Variants in CDH17 observed in about 807,000 individuals in gnomAD.
The protein encoded by CDH17 is cadherin 17, also known as cadherin-17.
A neutral mutation model predicts 86.3 loss-of-function variants in CDH17; 67 were observed. The ratio of observed to expected loss-of-function variants is 0.78; its 90% CI spans 0.64 to 0.95. The LOEUF is 0.95. CDH17 is among the 40% of genes least tolerant of loss of function. CDH17 has a pLI of 0.00. For missense variants in CDH17, 993 were observed against 1,017.6 expected (o/e 0.98, Z 0.33); for synonymous variants, 367 against 366.4 (o/e 1.00, Z -0.02).
intron 1 of CDH17, among the ~76,000 whole-genome samples, chr8:94,195,888 G>A (rs1380094121): frequency 6.6e-6 from 1 of 151,918 alleles, no homozygotes; most frequent in African/African-American, 2.4e-5. Context: ...AGCCTCCCAA[G>A]TAGCTGGGAC....
chr8:94,147,044 T>A (rs1316250575), intron 14 of CDH17, among the ~76,000 whole-genome samples: 3 of 152,180 alleles, frequency 2.0e-5, no homozygotes, highest in Non-Finnish European at 4.4e-5. Flanking sequence ...ATTTATATCA[T>A]GTCAGTGCCA....
At chr8:94,192,962 G>A (rs529872328) in intron 2 of CDH17, among the ~76,000 whole-genome samples, 1 of 152,308 alleles carries the variant, frequency 6.6e-6, no homozygotes, top group South Asian at 2.1e-4. Flanking sequence ...GATTCTTCAA[G>A]CAAACTTCCA....
intron 12 of CDH17, among the ~76,000 whole-genome samples, chr8:94,156,091 C>T (rs1812944479): frequency 6.6e-6 from 1 of 152,118 alleles, no homozygotes; most frequent in Admixed American, 6.5e-5. Context: ...TGGCCTCAGT[C>T]CCATCTGGCA....
At chr8:94,203,512 A>G (rs1450610390) in intron 1 of CDH17, among the ~76,000 whole-genome samples, 4 of 152,200 alleles carry the variant, frequency 2.6e-5, no homozygotes, top group South Asian at 2.1e-4. Context: ...GGCCAGATAG[A>G]TATAAAGATC....
In CDH17 at chr8:94,216,579, T is replaced by TA. The variant is rs1554592357; in HGVS notation, c.-21+618dup. On this transcript the variant is annotated intron_variant, in intron 1 of 17. Coordinates refer to the CDH17 transcript ENST00000450165. Reference sequence around the variant, plus strand: ...AGAGGGTTTGTTTTTTTTTTTTTTTTAATTCTCAGATCTTCCCAAGTCTGC... The same window carrying TA: ...AGAGGGTTTGTTTTTTTTTTTTTTTTAAATTCTCAGATCTTCCCAAGTCTGC... 2.6e-3 allele frequency among the ~76,000 whole-genome samples: 386 copies of TA among 150,766 alleles called. 3 individuals are homozygous for TA. The highest frequency in any genetic ancestry group is 7.8e-3 in the African/African-American group (319 of 41,090).
At chr8:94,160,234 T>C (rs955517252) in intron 11 of CDH17, 72 bp from the exon 12 acceptor site, 38 of 1,192,300 alleles carry the variant, frequency 3.2e-5, no homozygotes, top group Middle Eastern at 4.0e-4. Context: ...AACTTATCTC[T>C]CTGGTTTCAG....
At chr8:94,216,852 G>A (rs1814202685) in intron 1 of CDH17, among the ~76,000 whole-genome samples, 1 of 152,124 alleles carries the variant, frequency 6.6e-6, no homozygotes, top group Admixed American at 6.6e-5. Context: ...TGGCCGCATA[G>A]AGCCACTGGG....
In CDH17 at chr8:94,170,502, A is replaced by G; in HGVS notation, c.961T>C (p.Ser321Pro). The change falls in exon 9 of 18, where the codon TCA becomes CCA. Residue 321 changes from serine to proline, a missense_variant. By Grantham distance (74) the Ser-to-Pro change is moderately conservative (BLOSUM62 -1). Coordinates refer to ENST00000027335, the MANE Select transcript of CDH17 (RefSeq NM_004063.4). The stretch of plus-strand genomic sequence containing the variant: ...TTTACATGAATTTCCAGCGGATATG[A>G]AAGTGGTTTTCCGTACTCATCCTTT... ...VAKDEYGKPLSYPLEIHVKVK... is the reference protein window; with the variant it reads ...VAKDEYGKPLPYPLEIHVKVK... 2 of 1,613,972 alleles carry G rather than the reference A, an allele frequency of 1.2e-6. No homozygotes were observed. The highest frequency in any genetic ancestry group is 1.7e-6 in the Non-Finnish European group (2 of 1,179,886).
chr8:94,215,866 T>TG lies in CDH17; in HGVS notation c.-21+1331_-21+1332insC, dbSNP rs1329146442. On this transcript the variant is annotated intron_variant, in intron 1 of 17. Transcript: ENST00000450165. ...TATTTTCCTTTAAGTATACGAGGTT[T>TG]TTTTTTTTTTTTTAACTAATTTTAC... 1.2e-4 allele frequency among the ~76,000 whole-genome samples: 18 copies of TG among 151,348 alleles called. No individual in the cohort carries two copies. In the East Asian group the frequency reaches 2.7e-3, roughly 23 times the overall value.
At chr8:94,148,541 CAAAAAAAAAAAAAAAAAA>C (rs59942237) in intron 14 of CDH17, among the ~76,000 whole-genome samples, 185 bp downstream of exon 14, 4 of 29,202 alleles carry the variant, frequency 1.4e-4, no homozygotes, top group Non-Finnish European at 2.7e-4. Context: ...GACTCCATCT[CAAAAAAAAAAAAAAAAAA>C]AAAAAAAAAA....
At chr8:94,213,922 G>A (rs187153148) in intron 1 of CDH17, among the ~76,000 whole-genome samples, 2 of 152,112 alleles carry the variant, frequency 1.3e-5, no homozygotes, top group East Asian at 3.9e-4. Context: ...AACTCCTTGG[G>A]CCCAATCCCA....
chr8:94,136,331 T>G (rs1041886709), intron 15 of CDH17, among the ~76,000 whole-genome samples: 1 of 152,240 alleles, frequency 6.6e-6, no homozygotes. Context: ...AGTCCCATAT[T>G]TCTTGGAGGC....
Position 94,128,132 on chromosome 8 carries a change from A to T in CDH17, c.*108T>A. ...TAGCAAATATTAAAGGACAAGAGGG[A>T]ATATCTGTTTAAAAAATTATAATGC... On this transcript the variant is annotated 3_prime_UTR_variant, in exon 18 of 18. Coordinates refer to ENST00000027335, the MANE Select transcript of CDH17 (RefSeq NM_004063.4). 1 of 718,764 alleles carries T rather than the reference A, an allele frequency of 1.4e-6. No homozygotes were observed. Among genetic ancestry groups the T allele is most frequent in the Admixed American group, 2.4e-5 (1 of 41,834 alleles). The allele number at this position is 718,764 out of a possible 1,614,324, so 44.5% of individuals were successfully genotyped here. A position where few individuals can be genotyped will look rare whatever the true frequency, so the allele number is the denominator to read the frequency against.
chr8:94,182,687 T>C (rs2623153), intron 3 of CDH17, among the ~76,000 whole-genome samples: 116,936 of 151,966 alleles, frequency 0.77, 46,119 homozygotes, highest in African/African-American at 0.91. Context: ...GAAAGCTTTC[T>C]CCATAAGATC....
At position 94,174,272 on chromosome 8, in the gene CDH17, G is replaced by C; in HGVS notation, c.425-12C>G. On this transcript the variant is annotated splice_polypyrimidine_tract_variant and intron_variant, in intron 5 of 17. Coordinates refer to ENST00000027335, the MANE Select transcript of CDH17 (RefSeq NM_004063.4). ...CAAGAAGGGCTTTCCTGTTTAACAA[G>C]ACGTACCCAGAAAAAAAAAAAAAAA... 1 of 1,466,076 alleles carries C rather than the reference G, an allele frequency of 6.8e-7. No homozygotes were observed. 90.8% of individuals were successfully genotyped at this position (1,466,076 alleles called of 1,614,324 possible).
chr8:94,135,558 G>A (rs1326889962), intron 15 of CDH17, among the ~76,000 whole-genome samples: 6 of 152,226 alleles, frequency 3.9e-5, no homozygotes, highest in Non-Finnish European at 8.8e-5. Flanking sequence ...TTCTCTGCAC[G>A]TGAGATGGGT....
At chr8:94,199,723 T>A (rs1190898395) in intron 1 of CDH17, among the ~76,000 whole-genome samples, 1 of 152,142 alleles carries the variant, frequency 6.6e-6, no homozygotes, top group African/African-American at 2.4e-5. Context: ...TAGGGTGCCA[T>A]GATTTATTTG....
chr8:94,179,375 G>A (rs1813434392), intron 3 of CDH17, among the ~76,000 whole-genome samples: 1 of 152,210 alleles, frequency 6.6e-6, no homozygotes, highest in South Asian at 2.1e-4. Flanking sequence ...GCCTGAGGCT[G>A]TGATAACAGT....
At chr8:94,194,096 C>T (rs774958056) in intron 2 of CDH17, among the ~76,000 whole-genome samples, 2 of 152,142 alleles carry the variant, frequency 1.3e-5, no homozygotes, top group Non-Finnish European at 2.9e-5. Context: ...TGAGGACTCC[C>T]CAGTTTCTAT....
Sources: gnomAD v4.1 joint callset for allele counts (sites outside exome capture counted in the v4.1 genomes callset) on GRCh38, gnomAD v4.1.1 for gene constraint, MANE v1.5 for transcripts, NCBI Gene and HGNC (gene_info 2026-07-23, HGNC 2026-07-21) for gene names.